The following ADCY2 variants were observed in gnomAD, a reference collection of about 807,000 sequenced individuals.
ADCY2 encodes adenylate cyclase 2.
Under a neutral mutation model 125.2 loss-of-function variants are expected in ADCY2, and 31 were observed. That is an observed-to-expected ratio of 0.25 (90% CI 0.19 to 0.33). ADCY2 has a LOEUF of 0.33. Among genes scored for constraint, ADCY2 ranks in the 10% least tolerant of loss-of-function variants. The pLI is 1.00. For missense variants in ADCY2, 904 were observed against 1,418.2 expected, an observed-to-expected ratio of 0.64 and a Z score of 5.82; for synonymous variants, 512 against 548.4, an observed-to-expected ratio of 0.93 and a Z score of 0.93.
chr5:7,454,373 T>G (rs1236268750), intron 2 of ADCY2, among the ~76,000 whole-genome samples: 1 of 152,248 alleles, frequency 6.6e-6, no homozygotes. Flanking sequence ...CGACTCACTT[T>G]ATTTCGGCAT....
At chr5:7,765,429 G>T (rs1287953137) in intron 16 of ADCY2, among the ~76,000 whole-genome samples, 1 of 152,090 alleles carries the variant, frequency 6.6e-6, no homozygotes. Context: ...GGGATGTGAT[G>T]ATTTTTACAA....
At chr5:7,677,227 G>A (rs1218983269) in intron 4 of ADCY2, among the ~76,000 whole-genome samples, 2 of 151,968 alleles carry the variant, frequency 1.3e-5, no homozygotes, top group African/African-American at 4.8e-5. Context: ...GCAGTGAGCC[G>A]AGATCACGCC....
intron 15 of ADCY2, among the ~76,000 whole-genome samples, chr5:7,745,219 A>C (rs561594661): frequency 2.3e-4 from 35 of 152,338 alleles, no homozygotes; most frequent in African/African-American, 8.2e-4. Flanking sequence ...ATTGCATTCC[A>C]GTCTGATGTG....
intron 20 of ADCY2, chr5:7,800,585 C>G (rs1162030487): frequency 1.3e-5 from 2 of 152,210 alleles, no homozygotes; most frequent in African/African-American, 2.4e-5. Context: ...TCGCTTGGAT[C>G]CGCGAGGTGG....
At chr5:7,813,773 C>T (rs182724778) in intron 22 of ADCY2, among the ~76,000 whole-genome samples, 2 of 152,298 alleles carry the variant, frequency 1.3e-5, no homozygotes, top group Admixed American at 6.5e-5. Context: ...CCAGTTTAAA[C>T]CAACTGTGTG....
chr5:7,423,070 T>C (rs950554103), intron 2 of ADCY2, among the ~76,000 whole-genome samples: 3 of 152,204 alleles, frequency 2.0e-5, no homozygotes, highest in Admixed American at 2.0e-4. Flanking sequence ...GGACTTACTA[T>C]GAAGAAGCAC....
chr5:7,677,423 T>A (rs1439215847), intron 4 of ADCY2, among the ~76,000 whole-genome samples: 2 of 152,176 alleles, frequency 1.3e-5, no homozygotes, highest in African/African-American at 4.8e-5. Context: ...CACGATTGAA[T>A]CTGGGAGGGC....
chr5:7,482,648 G>T (rs1742773599), intron 2 of ADCY2, among the ~76,000 whole-genome samples: 1 of 151,724 alleles, frequency 6.6e-6, no homozygotes. Flanking sequence ...CCAAGGAAAA[G>T]AAATCCTTAT....
intron 4 of ADCY2, among the ~76,000 whole-genome samples, chr5:7,685,664 G>A (rs968269590): frequency 6.6e-6 from 1 of 152,216 alleles, no homozygotes; most frequent in Non-Finnish European, 1.5e-5. Flanking sequence ...AACAGTAGCA[G>A]TTGTTGGGAG....
intron 2 of ADCY2, among the ~76,000 whole-genome samples, chr5:7,513,021 G>A (rs952659391): frequency 1.1e-4 from 16 of 151,272 alleles, no homozygotes; most frequent in African/African-American, 3.9e-4. Context: ...TTTCTCAACT[G>A]AACCAGAGCT....
chr5:7,501,465 A>AT (rs1469606286), intron 2 of ADCY2, among the ~76,000 whole-genome samples: 1 of 152,108 alleles, frequency 6.6e-6, no homozygotes, highest in Non-Finnish European at 1.5e-5. Flanking sequence ...CTTTTTTGAC[A>AT]TTTTTTAGTT....
intron 3 of ADCY2, among the ~76,000 whole-genome samples, chr5:7,564,819 C>T (rs533164691): frequency 2.2e-4 from 33 of 152,178 alleles, no homozygotes; most frequent in South Asian, 6.2e-4. Context: ...CCAAAGCAAG[C>T]GGAAGGTTTT....
At chr5:7,629,010 C>T (rs750493812) in intron 4 of ADCY2, among the ~76,000 whole-genome samples, 57 of 152,324 alleles carry the variant, frequency 3.7e-4, no homozygotes, top group African/African-American at 1.1e-3. Context: ...CCCTGCACCA[C>T]AAACCACCTT....
chr5:7,455,310 AT>A (rs1438577391), intron 2 of ADCY2, among the ~76,000 whole-genome samples: 3 of 152,176 alleles, frequency 2.0e-5, no homozygotes, highest in African/African-American at 7.2e-5. Flanking sequence ...CACAAGTTAG[AT>A]TTAGGTTTAA....
intron 4 of ADCY2, among the ~76,000 whole-genome samples, chr5:7,664,206 T>C (rs548716529): frequency 6.6e-6 from 1 of 152,308 alleles, no homozygotes; most frequent in South Asian, 2.1e-4. Context: ...TGGCAAAAGA[T>C]GGGACCAAAT....
At chr5:7,543,232 G>T (rs538981472) in intron 3 of ADCY2, among the ~76,000 whole-genome samples, 2 of 152,002 alleles carry the variant, frequency 1.3e-5, no homozygotes, top group African/African-American at 4.8e-5. Context: ...TACATTGCTT[G>T]GTGTACATCA....
intron 2 of ADCY2, among the ~76,000 whole-genome samples, chr5:7,520,029 A>G (rs1051582515): frequency 3.3e-5 from 5 of 152,260 alleles, no homozygotes; most frequent in African/African-American, 1.2e-4. Context: ...TTGTGTGGAT[A>G]TACCACATAT....
intron 3 of ADCY2, among the ~76,000 whole-genome samples, chr5:7,557,196 T>TAG (rs1181365989): frequency 1.1e-4 from 17 of 148,696 alleles, no homozygotes; most frequent in Non-Finnish European, 4.5e-5. Flanking sequence ...ATATGTGATA[T>TAG]ATATAACTCA....
intron 4 of ADCY2, among the ~76,000 whole-genome samples, chr5:7,663,038 G>T (rs1579290943): frequency 6.6e-6 from 1 of 152,356 alleles, no homozygotes; most frequent in East Asian, 1.9e-4. Flanking sequence ...TCTGTTTAGT[G>T]TTGGATTAAG....
Sources: allele counts gnomAD v4.1 joint callset (sites outside exome capture counted in the v4.1 genomes callset), GRCh38; gene constraint gnomAD v4.1.1; transcripts MANE v1.5; gene names NCBI Gene and HGNC (gene_info 2026-07-23, HGNC 2026-07-21).